Variants in EPS8 observed in about 807,000 individuals in gnomAD.
EPS8 encodes epidermal growth factor receptor kinase substrate 8.
EPS8 carries 42 observed loss-of-function variants against 103.8 expected under a neutral mutation model. The observed-to-expected ratio is 0.40, with a 90% CI of 0.32 to 0.52. The LOEUF is 0.52. Ranked by LOEUF, EPS8 falls within the 20% of genes least tolerant of loss-of-function variation. EPS8 has a pLI of 0.40. For missense variants in EPS8, 969 were observed against 1,005.1 expected, an observed-to-expected ratio of 0.96 and a Z score of 0.49; for synonymous variants, 344 against 344.6, an observed-to-expected ratio of 1.00 and a Z score of 0.02.
chr12:15,688,807 CT>C lies in EPS8; in HGVS notation c.-21-5836del, dbSNP rs1315190535. Among the ~76,000 whole-genome samples the C allele has an allele frequency of 2.0e-5, 3 of 152,108 alleles. No individual in the cohort carries two copies. Among genetic ancestry groups the C allele is most frequent in the Non-Finnish European group, 4.4e-5 (3 of 68,010 alleles). ...ATAACCCCAGGATACAGAAAACCCCCTGTCCTTGCAATAAGGTAGAGGATCT... is the reference window on the plus strand; with the variant it reads ...ATAACCCCAGGATACAGAAAACCCCCGTCCTTGCAATAAGGTAGAGGATCT... On this transcript the variant is annotated intron_variant, in intron 1 of 20. Transcript: ENST00000281172. The surrounding 1 kb of genome is among the most constrained non-coding windows in gnomAD (Gnocchi z 5.1).
In EPS8 at chr12:15,658,572, C is replaced by T. The variant is rs975426224; in HGVS notation, c.951G>A (p.Thr317=). 6.2e-5 allele frequency: 100 copies of T among 1,610,356 alleles called. No homozygotes were observed. Among genetic ancestry groups the T allele is most frequent in the Non-Finnish European group, 7.4e-5 (87 of 1,176,940 alleles). The part of the protein sequence containing the change: ...KRKGPGEGVL[T]LRAKPPPPDE... ...CAGGAGGTGGAGGTTTTGCCCGCAG[C>T]GTTAAAACACCCTCTAATGAAATAA... Residue 317 remains threonine (T), a synonymous_variant, in exon 11 of 21, where the codon ACG becomes ACA. Transcript: ENST00000281172.
chr12:15,669,837 C>T lies in EPS8; in HGVS notation c.205-12G>A, dbSNP rs780001509. 25 of 1,565,808 alleles carry T rather than the reference C, an allele frequency of 1.6e-5. No homozygotes were observed. In the East Asian group the frequency reaches 3.4e-4, roughly 21 times the overall value. On this transcript the variant is annotated splice_polypyrimidine_tract_variant and intron_variant, in intron 4 of 20. Coordinates refer to ENST00000281172, the MANE Select transcript of EPS8 (RefSeq NM_004447.6). ...AAGGTAGTCAAGTGCTTACAATTGG[C>T]AAAAAGGAAAAAGATTTATAACACA... is the stretch of plus-strand genomic sequence containing the variant.
Position 15,621,194 on chromosome 12 carries a change from T to TC in EPS8, c.*122_*123insG, listed in dbSNP as rs1351233774. ...CTGTGCTCACTCAGGTTTGCATGGG[T>TC]TTTTTTTTATGGTGATAAATTACAT... On this transcript the variant is annotated 3_prime_UTR_variant, in exon 21 of 21. Transcript: ENST00000281172. The TC allele has an allele frequency of 1.8e-5, 7 of 389,952 alleles. No homozygotes were observed. The highest frequency in any genetic ancestry group is 2.4e-5 in the Non-Finnish European group (6 of 253,746). 24.2% of individuals were successfully genotyped at this position (389,952 alleles called of 1,614,324 possible).
At chr12:15,636,271 A>T (rs1384347201) in intron 17 of EPS8, among the ~76,000 whole-genome samples, 1 of 152,124 alleles carries the variant, frequency 6.6e-6, no homozygotes, top group East Asian at 1.9e-4. Context: ...TTATCAAGAC[A>T]TGTTATCTCT....
intron 7 of EPS8, 149 bp from the exon 8 acceptor site, chr12:15,666,041 T>C (rs761965072): frequency 9.6e-5 from 75 of 784,638 alleles, no homozygotes; most frequent in Admixed American, 8.1e-4. Context: ...ATTATGCATA[T>C]TTATGAATGC....
chr12:15,788,521 G>C (rs115665579), intron 1 of EPS8, among the ~76,000 whole-genome samples: 1 of 152,172 alleles, frequency 6.6e-6, no homozygotes, highest in African/African-American at 2.4e-5. Flanking sequence ...GGGAGTACAT[G>C]GGTGGGGAAA....
chr12:15,749,757 G>A lies in EPS8; in HGVS notation c.-22+39404C>T, dbSNP rs992869821. ...ATATAAAATTAAGTGATTACATGTT[G>A]AGATTATAGATATTTTCTTCTTTAT... On this transcript the variant is annotated intron_variant, in intron 1 of 20. Transcript: ENST00000281172. The surrounding 1 kb of genome is among the most constrained non-coding windows in gnomAD (Gnocchi z 4.0). Among the ~76,000 whole-genome samples, 5 of 152,088 alleles carry A rather than the reference G, an allele frequency of 3.3e-5. No individual in the cohort carries two copies. Among genetic ancestry groups the A allele is most frequent in the African/African-American group, 7.2e-5 (3 of 41,408 alleles).
At chr12:15,669,349 T>C (rs373807884) in intron 6 of EPS8, 38 bp downstream of exon 6, 59 of 1,564,792 alleles carry the variant, frequency 3.8e-5, no homozygotes, top group Non-Finnish European at 5.0e-5. Flanking sequence ...CCAGACAATC[T>C]GCTTAAAGAA....
intron 1 of EPS8, among the ~76,000 whole-genome samples, chr12:15,711,019 A>C (rs1228911029): frequency 2.0e-5 from 3 of 151,174 alleles, no homozygotes; most frequent in Non-Finnish European, 2.9e-5. Flanking sequence ...ACAGGCATGC[A>C]CCACCATGCC....
intron 1 of EPS8, among the ~76,000 whole-genome samples, chr12:15,686,333 A>G (rs1377858523): frequency 6.6e-6 from 1 of 152,176 alleles, no homozygotes; most frequent in African/African-American, 2.4e-5. Flanking sequence ...GGCTATTAGT[A>G]TATGTTTTAG....
At position 15,701,852 on chromosome 12, in the gene EPS8, A is replaced by T. The variant is rs1330763014; in HGVS notation, c.-21-18880T>A. Among the ~76,000 whole-genome samples, 1 of 152,202 alleles carries T rather than the reference A, an allele frequency of 6.6e-6. No individual in the cohort carries two copies. Among genetic ancestry groups the T allele is most frequent in the African/African-American group, 2.4e-5 (1 of 41,462 alleles). ...CTTCTTCAAAATAACAAGCAATTAA[A>T]TGGGATCTTGCTGTTTGTTTCCTCT... is the stretch of plus-strand genomic sequence containing the variant. On this transcript the variant is annotated intron_variant, in intron 1 of 20. Coordinates refer to ENST00000281172, the MANE Select transcript of EPS8 (RefSeq NM_004447.6). This position sits in a 1 kb window ranked among gnomAD's most constrained non-coding sequence, Gnocchi z 5.1.
At chr12:15,671,012 C>A (rs1453581246) in intron 3 of EPS8, 89 bp from the exon 4 acceptor site, 3 of 871,914 alleles carry the variant, frequency 3.4e-6, no homozygotes, top group African/African-American at 3.3e-5. Context: ...TAAAACTAGT[C>A]TATCTCACAT....
chr12:15,638,866 A>T (rs952260606), intron 17 of EPS8, among the ~76,000 whole-genome samples: 29 of 152,250 alleles, frequency 1.9e-4, no homozygotes, highest in African/African-American at 7.0e-4. Context: ...TAAACAGAAA[A>T]GTCAACTTAT....
rs1299430272 is a variant in EPS8 at position 15,738,243 on chromosome 12, G to T, written c.-22+50918C>A. On this transcript the variant is annotated intron_variant, in intron 1 of 20. Coordinates refer to ENST00000281172, the MANE Select transcript of EPS8 (RefSeq NM_004447.6). This position sits in a 1 kb window ranked among gnomAD's most constrained non-coding sequence, Gnocchi z 6.2. ...TCAACTGCCAGCTATATTTCCCATA[G>T]ATGTAAATGATCATTTAGAAACACA... is the stretch of plus-strand genomic sequence containing the variant. 1.3e-5 allele frequency among the ~76,000 whole-genome samples: 2 copies of T among 151,930 alleles called. No individual in the cohort carries two copies. Among genetic ancestry groups the T allele is most frequent in the Non-Finnish European group, 1.5e-5 (1 of 67,970 alleles).
At chr12:15,724,234 G>T (rs904169686) in intron 1 of EPS8, among the ~76,000 whole-genome samples, 4 of 151,840 alleles carry the variant, frequency 2.6e-5, no homozygotes, top group Admixed American at 6.6e-5. Flanking sequence ...TTCAACATTA[G>T]GTAAACATGA....
In EPS8 at chr12:15,781,331, C is replaced by G. The variant is rs905233198; in HGVS notation, c.-22+7830G>C. ...ATAAAAGAATGTAATTAAGGACACT[C>G]TGGCCATCCTTGCCCTTTTTCTTTA... On this transcript the variant is annotated intron_variant, in intron 1 of 20. Transcript: ENST00000281172. The surrounding 1 kb of genome is among the most constrained non-coding windows in gnomAD (Gnocchi z 4.1). Among the ~76,000 whole-genome samples the G allele has an allele frequency of 2.0e-5, 3 of 152,160 alleles. No individual in the cohort carries two copies. Among genetic ancestry groups the G allele is most frequent in the Non-Finnish European group, 4.4e-5 (3 of 68,022 alleles).
Position 15,697,079 on chromosome 12 carries a change from T to A in EPS8, c.-21-14107A>T, listed in dbSNP as rs897271319. On this transcript the variant is annotated intron_variant, in intron 1 of 20. Transcript: ENST00000281172. This position sits in a 1 kb window ranked among gnomAD's most constrained non-coding sequence, Gnocchi z 5.6. ...TCTTTCTATTCCCACAGTTCCCATC[T>A]CTAACCAACTGGGAAAATGGCCTAT... Among the ~76,000 whole-genome samples, 5 of 152,124 alleles carry A rather than the reference T, an allele frequency of 3.3e-5. No individual in the cohort carries two copies. The highest frequency in any genetic ancestry group is 1.2e-4 in the African/African-American group (5 of 41,410).
intron 17 of EPS8, among the ~76,000 whole-genome samples, chr12:15,632,790 T>G (rs1482876286): frequency 1.3e-5 from 2 of 151,932 alleles, no homozygotes; most frequent in African/African-American, 4.8e-5. Flanking sequence ...CACTTTTTAA[T>G]TAAACTATTA....
intron 7 of EPS8, 55 bp downstream of exon 7, chr12:15,666,385 A>G (rs1235918758): frequency 5.9e-6 from 8 of 1,358,202 alleles, no homozygotes; most frequent in Non-Finnish European, 8.4e-6. Context: ...TCTTTGGGGA[A>G]AAAAGCCTTA....
Sources: allele counts gnomAD v4.1 joint callset (sites outside exome capture counted in the v4.1 genomes callset), GRCh38; gene constraint gnomAD v4.1.1; non-coding constraint Gnocchi (gnomAD v3.1); transcripts MANE v1.5; gene names NCBI Gene and HGNC (gene_info 2026-07-23, HGNC 2026-07-21).